The following PROCR variants were observed in gnomAD, a reference collection of about 807,000 sequenced individuals.
PROCR encodes the protein protein C receptor.
A neutral mutation model predicts 24.2 loss-of-function variants in PROCR; 22 were observed. The observed-to-expected ratio is 0.91, with a 90% CI of 0.65 to 1.30. The LOEUF is 1.30. PROCR is among the 50% of genes most tolerant of loss of function. The probability of loss-of-function intolerance (pLI) is 0.00; values close to 1 mark genes in which losing one functional copy is unlikely to be tolerated. For synonymous variants in PROCR, 137 were observed against 139.2 expected, an observed-to-expected ratio of 0.98 and a Z score of 0.11; for missense variants, 288 against 307.7, an observed-to-expected ratio of 0.94 and a Z score of 0.48.
chr20:35,183,451 T>C (rs1249123514), intron 1 of PROCR, among the ~76,000 whole-genome samples: 2 of 152,208 alleles, frequency 1.3e-5, no homozygotes, highest in African/African-American at 4.8e-5. Flanking sequence ...CCTTCCAACA[T>C]GATTGAAAGC....
At chr20:35,173,242 T>C (rs1034110512) in intron 1 of PROCR, among the ~76,000 whole-genome samples, 2 of 151,650 alleles carry the variant, frequency 1.3e-5, no homozygotes, top group Non-Finnish European at 2.9e-5. Context: ...CCTAGAGGAG[T>C]CCAGTGTGGC....
downstream of PROCR, among the ~76,000 whole-genome samples, chr20:35,178,975 T>C (rs560481774): frequency 6.7e-6 from 1 of 150,326 alleles, no homozygotes; most frequent in South Asian, 2.1e-4. Flanking sequence ...CTCATGCCTG[T>C]AATCCCAGCA....
At chr20:35,199,938 C>T (rs1237289573) in intron 1 of PROCR, among the ~76,000 whole-genome samples, 1 of 152,024 alleles carries the variant, frequency 6.6e-6, no homozygotes, top group African/African-American at 2.4e-5. Flanking sequence ...AAGTTGATTC[C>T]AACCCTCATG....
chr20:35,187,340 G>T (rs2086137036), intron 1 of PROCR, among the ~76,000 whole-genome samples: 1 of 152,178 alleles, frequency 6.6e-6, no homozygotes, highest in African/African-American at 2.4e-5. Flanking sequence ...GGGATTACAG[G>T]CATGAGCCAC....
At chr20:35,212,567 C>T (rs1254063099) in intron 1 of PROCR, among the ~76,000 whole-genome samples, 1 of 152,186 alleles carries the variant, frequency 6.6e-6, no homozygotes, top group Non-Finnish European at 1.5e-5. Flanking sequence ...AAATCAAGGT[C>T]TTGTCGTAAC....
chr20:35,205,780 T>C (rs867445249), intron 1 of PROCR, among the ~76,000 whole-genome samples: 4 of 84,408 alleles, frequency 4.7e-5, no homozygotes, highest in African/African-American at 8.0e-5. Flanking sequence ...TATATATATA[T>C]ATATATATGT....
chr20:35,174,457 A>G (rs565253618), intron 1 of PROCR: 10 of 562,768 alleles, frequency 1.8e-5, no homozygotes, highest in African/African-American at 5.6e-5. Context: ...AAGGAGGCAG[A>G]AAGGAGTGTC....
chr20:35,196,679 C>G (rs2086219011), intron 1 of PROCR, among the ~76,000 whole-genome samples: 1 of 152,012 alleles, frequency 6.6e-6, no homozygotes, highest in Admixed American at 6.6e-5. Context: ...TAAAGAAAGC[C>G]TAAAAGAATT....
intron 1 of PROCR, among the ~76,000 whole-genome samples, chr20:35,204,622 G>A (rs1026634838): frequency 6.6e-6 from 1 of 151,982 alleles, no homozygotes; most frequent in East Asian, 1.9e-4. Flanking sequence ...CAATCTGCCT[G>A]CCTTAGCTTC....
intron 1 of PROCR, among the ~76,000 whole-genome samples, chr20:35,215,330 T>C (rs944313198): frequency 1.3e-5 from 2 of 152,228 alleles, no homozygotes; most frequent in Non-Finnish European, 2.9e-5. Flanking sequence ...GCTTTTAAAA[T>C]ATTACCAGTT....
Position 35,176,839 on chromosome 20 carries a change from G to A in PROCR, c.*26G>A, listed in dbSNP as rs148234944. 1.9e-6 allele frequency: 3 copies of A among 1,610,336 alleles called. No individual in the cohort carries two copies. The highest frequency in any genetic ancestry group is 2.5e-6 in the Non-Finnish European group (3 of 1,178,274). On this transcript the variant is annotated 3_prime_UTR_variant, in exon 4 of 4. Transcript: ENST00000216968. ...TTACTCTCCAGCCCCCTCAGAAGGG[G>A]CTGGATTGATGGAGGCTGGCAAGGG... is the stretch of plus-strand genomic sequence containing the variant.
intron 1 of PROCR, among the ~76,000 whole-genome samples, chr20:35,197,646 AC>A (rs550968990): frequency 5.3e-4 from 81 of 151,684 alleles, no homozygotes; most frequent in African/African-American, 1.8e-3. Flanking sequence ...ACATGGTGAA[AC>A]CCCATCTCTA....
At chr20:35,187,307 C>A (rs2086136650) in intron 1 of PROCR, among the ~76,000 whole-genome samples, 2 of 152,192 alleles carry the variant, frequency 1.3e-5, no homozygotes, top group South Asian at 4.1e-4. Context: ...AGTGATCCAC[C>A]TACCTGGGCC....
At chr20:35,203,470 T>G (rs2060326341) in intron 1 of PROCR, among the ~76,000 whole-genome samples, 1 of 151,350 alleles carries the variant, frequency 6.6e-6, no homozygotes, top group Non-Finnish European at 1.5e-5. Flanking sequence ...TTAGACGAAC[T>G]CTTGGGCGTG....
At chr20:35,199,002 C>T (rs914073590) in intron 1 of PROCR, among the ~76,000 whole-genome samples, 1 of 152,194 alleles carries the variant, frequency 6.6e-6, no homozygotes, top group African/African-American at 2.4e-5. Context: ...GCATGAGCCA[C>T]CATGCCCAGC....
chr20:35,177,518 A>G (rs574593817), downstream of PROCR, among the ~76,000 whole-genome samples: 12 of 131,236 alleles, frequency 9.1e-5, no homozygotes, highest in South Asian at 2.5e-3. Context: ...GTGTGATCTC[A>G]GCTCACTGCA....
At chr20:35,208,356 C>A (rs1190649499) in intron 1 of PROCR, among the ~76,000 whole-genome samples, 1 of 152,192 alleles carries the variant, frequency 6.6e-6, no homozygotes, top group Non-Finnish European at 1.5e-5. Flanking sequence ...GTTTATTCAA[C>A]AAATATTTAT....
intron 1 of PROCR, chr20:35,203,245 T>C (rs2060325412): frequency 6.6e-6 from 1 of 151,704 alleles, no homozygotes; most frequent in African/African-American, 2.4e-5. Context: ...ACATAAATGG[T>C]GTTCTCTGGC....
chr20:35,176,926 C>G lies in PROCR; in HGVS notation c.*113C>G. On this transcript the variant is annotated 3_prime_UTR_variant, in exon 4 of 4. Coordinates refer to ENST00000216968, the MANE Select transcript of PROCR (RefSeq NM_006404.5). The stretch of plus-strand genomic sequence containing the variant: ...TGAAACACCAGAAGGTTTGGAGTGA[C>G]AGCTCCTTTCTTCTCCCACATCTGC... The G allele has an allele frequency of 6.5e-6, 10 of 1,534,540 alleles. No homozygotes were observed. The highest frequency in any genetic ancestry group is 8.8e-6 in the Non-Finnish European group (10 of 1,138,376).
Sources: gnomAD v4.1 joint callset for allele counts (sites outside exome capture counted in the v4.1 genomes callset) on GRCh38, gnomAD v4.1.1 for gene constraint, MANE v1.5 for transcripts, NCBI Gene and HGNC (gene_info 2026-07-23, HGNC 2026-07-21) for gene names.